Variants in EPHA5 observed in about 807,000 individuals in gnomAD.
EPHA5 encodes ephrin type-A receptor 5.
EPHA5 carries 60 observed loss-of-function variants against 105.0 expected under a neutral mutation model. The observed-to-expected ratio is 0.57, with a 90% CI of 0.46 to 0.71. The LOEUF (loss-of-function observed/expected upper bound fraction) is 0.71, where lower values mean the gene tolerates loss of function less well. Ranked by LOEUF, EPHA5 falls within the 30% of genes least tolerant of loss-of-function variation. EPHA5 has a pLI of 0.00. For missense variants in EPHA5, 1,218 were observed against 1,274.7 expected (o/e 0.96, Z 0.68); for synonymous variants, 513 against 449.1 (o/e 1.14, Z -1.80).
At chr4:65,661,485 T>C (rs558079288) in intron 1 of EPHA5, among the ~76,000 whole-genome samples, 1 of 152,302 alleles carries the variant, frequency 6.6e-6, no homozygotes, top group African/African-American at 2.4e-5. Context: ...TTTTCAAGTA[T>C]CTTCTACCTC....
At chr4:65,325,941 T>A (rs1720031706) in intron 16 of EPHA5, among the ~76,000 whole-genome samples, 1 of 150,588 alleles carries the variant, frequency 6.6e-6, no homozygotes, top group African/African-American at 2.4e-5. Context: ...TTTTACAAGA[T>A]AAATTGTCAT....
At chr4:65,592,746 C>A (rs1050000149) in intron 3 of EPHA5, among the ~76,000 whole-genome samples, 4 of 152,104 alleles carry the variant, frequency 2.6e-5, no homozygotes, top group Non-Finnish European at 5.9e-5. Context: ...TTGCATATAA[C>A]AATCAACTAA....
intron 14 of EPHA5, among the ~76,000 whole-genome samples, chr4:65,343,617 A>G (rs1454478323): frequency 6.6e-6 from 1 of 152,240 alleles, no homozygotes; most frequent in East Asian, 1.9e-4. Context: ...AAATCATTAA[A>G]TATAGTTGAT....
intron 16 of EPHA5, among the ~76,000 whole-genome samples, chr4:65,327,192 G>T (rs1461841810): frequency 2.6e-5 from 4 of 151,192 alleles, no homozygotes; most frequent in Non-Finnish European, 5.9e-5. Flanking sequence ...ATTAATAAAT[G>T]TGGGTATTGT....
At chr4:65,454,287 T>TA (rs202102621) in intron 5 of EPHA5, among the ~76,000 whole-genome samples, 4,830 of 150,576 alleles carry the variant, frequency 0.032, 75 homozygotes, top group Non-Finnish European at 0.045. Context: ...TCTCTAATAA[T>TA]AATAAATAAT....
chr4:65,453,756 C>G (rs1459033346), intron 5 of EPHA5, among the ~76,000 whole-genome samples: 1 of 152,116 alleles, frequency 6.6e-6, no homozygotes, highest in Non-Finnish European at 1.5e-5. Context: ...GATGCAAGAC[C>G]CTGGAAGCAT....
rs76787904 is a variant in EPHA5, at chr4:65,334,722, A to G, written c.2789+1210T>C. ...TGAATCCTATATACTGCATACAATGAAATAAGAAAATTATTTAGAAATTTT... is the reference window on the plus strand; with the variant it reads ...TGAATCCTATATACTGCATACAATGGAATAAGAAAATTATTTAGAAATTTT... On this transcript the variant is annotated intron_variant, in intron 15 of 16. Transcript: ENST00000613740. 2.5e-3 allele frequency among the ~76,000 whole-genome samples: 374 copies of G among 152,138 alleles called. 1 individual carries two copies. The highest frequency in any genetic ancestry group is 8.6e-3 in the African/African-American group (359 of 41,548).
intron 1 of EPHA5, among the ~76,000 whole-genome samples, chr4:65,662,576 AAAC>A (rs987754929): frequency 5.3e-5 from 8 of 152,224 alleles, no homozygotes; most frequent in South Asian, 2.1e-4. Context: ...TAGAAGGAAA[AAAC>A]AACAACAACA....
intron 8 of EPHA5, among the ~76,000 whole-genome samples, chr4:65,383,137 TGAA>T (rs936131627): frequency 2.0e-5 from 3 of 150,146 alleles, no homozygotes; most frequent in Admixed American, 6.7e-5. Flanking sequence ...ATATATGATA[TGAA>T]GAAGACTTCA....
At chr4:65,598,451 T>A (rs543221333) in intron 3 of EPHA5, among the ~76,000 whole-genome samples, 2 of 152,316 alleles carry the variant, frequency 1.3e-5, no homozygotes, top group Non-Finnish European at 2.9e-5. Context: ...TCTTTTGAAT[T>A]CATTGTCCTT....
At chr4:65,560,776 T>A (rs961512024) in intron 3 of EPHA5, among the ~76,000 whole-genome samples, 2 of 152,092 alleles carry the variant, frequency 1.3e-5, no homozygotes, top group African/African-American at 4.8e-5. Flanking sequence ...TTCCTGCCTG[T>A]TAAATGACTC....
Position 65,643,346 on chromosome 4 carries a change from A to G in EPHA5, c.246+17T>C. The G allele has an allele frequency of 6.2e-7, 1 of 1,601,782 alleles. No homozygotes were observed. Among genetic ancestry groups the G allele is most frequent in the Non-Finnish European group, 8.6e-7 (1 of 1,169,020 alleles). On this transcript the variant is annotated intron_variant, in intron 2 of 16. Coordinates refer to ENST00000613740, the MANE Select transcript of EPHA5 (RefSeq NM_001281766.3). ...CGCACATAGCTTAAGTTTTAGAAAAACTTTCATAAAACTTACCCCATTTTT... is the reference window on the plus strand; with the variant it reads ...CGCACATAGCTTAAGTTTTAGAAAAGCTTTCATAAAACTTACCCCATTTTT...
intron 3 of EPHA5, among the ~76,000 whole-genome samples, chr4:65,575,197 A>G (rs1233714064): frequency 6.6e-6 from 1 of 152,096 alleles, no homozygotes; most frequent in African/African-American, 2.4e-5. Flanking sequence ...AATCCTGGCA[A>G]TCATTCTGGT....
intron 8 of EPHA5, among the ~76,000 whole-genome samples, chr4:65,391,818 A>T (rs1428721423): frequency 1.3e-5 from 2 of 152,088 alleles, no homozygotes; most frequent in Non-Finnish European, 2.9e-5. Flanking sequence ...TAGGCTTTTG[A>T]CCTGCCCTTT....
intron 5 of EPHA5, among the ~76,000 whole-genome samples, chr4:65,433,124 T>C (rs1725133566): frequency 6.6e-6 from 1 of 152,162 alleles, no homozygotes; most frequent in Non-Finnish European, 1.5e-5. Flanking sequence ...AATAAAATTT[T>C]CGAGTGCTGA....
intron 5 of EPHA5, among the ~76,000 whole-genome samples, chr4:65,467,508 T>C (rs1728834207): frequency 6.6e-6 from 1 of 152,182 alleles, no homozygotes; most frequent in Non-Finnish European, 1.5e-5. Flanking sequence ...TAACTTGACT[T>C]TACAAGAGAC....
chr4:65,526,535 T>G (rs1735248328), intron 3 of EPHA5, among the ~76,000 whole-genome samples: 1 of 152,022 alleles, frequency 6.6e-6, no homozygotes. Flanking sequence ...CAGATATTTT[T>G]TATTTCATAG....
At chr4:65,587,027 C>G (rs148390232) in intron 3 of EPHA5, among the ~76,000 whole-genome samples, 1 of 152,064 alleles carries the variant, frequency 6.6e-6, no homozygotes, top group East Asian at 1.9e-4. Flanking sequence ...TTTATTTTTG[C>G]TTTTGCTTTT....
At chr4:65,550,467 T>G (rs1737790172) in intron 3 of EPHA5, among the ~76,000 whole-genome samples, 1 of 152,172 alleles carries the variant, frequency 6.6e-6, no homozygotes. Context: ...CAAAATATTA[T>G]TTTTCTGACA....
Sources: gnomAD v4.1 joint callset for allele counts (sites outside exome capture counted in the v4.1 genomes callset) on GRCh38, gnomAD v4.1.1 for gene constraint, MANE v1.5 for transcripts, NCBI Gene and HGNC (gene_info 2026-07-23, HGNC 2026-07-21) for gene names.